Variants in DHX57 observed in about 807,000 individuals in gnomAD.
The protein encoded by DHX57 is putative ATP-dependent RNA helicase DHX57.
DHX57 carries 105 observed loss-of-function variants against 156.2 expected under a neutral mutation model. That is an observed-to-expected ratio of 0.67 (90% CI 0.57 to 0.79). The LOEUF (loss-of-function observed/expected upper bound fraction) is 0.79. Ranked by LOEUF, DHX57 falls within the 30% of genes least tolerant of loss-of-function variation. The probability of loss-of-function intolerance (pLI) is 0.00; values close to 1 mark genes in which losing one functional copy is unlikely to be tolerated. For synonymous variants in DHX57, 704 were observed against 595.6 expected (o/e 1.18, Z -2.65); for missense variants, 1,847 against 1,661.9 (o/e 1.11, Z -1.94).
intron 23 of DHX57, 56 bp from the exon 24 acceptor site, chr2:38,798,498 T>C: frequency 1.3e-6 from 2 of 1,526,944 alleles, no homozygotes; most frequent in Non-Finnish European, 1.8e-6. Context: ...GGATAGGTTA[T>C]TGGAGGGAAA....
intron 21 of DHX57, among the ~76,000 whole-genome samples, chr2:38,813,457 G>A (rs549147645): frequency 2.2e-4 from 33 of 150,970 alleles, no homozygotes; most frequent in African/African-American, 7.0e-4. Context: ...TGCAAGCTCC[G>A]ACTCCCGGGT....
chr2:38,858,912 A>G, intron 5 of DHX57, 76 bp from the exon 6 acceptor site: 1 of 1,425,344 alleles, frequency 7.0e-7, no homozygotes, highest in Non-Finnish European at 9.4e-7. Context: ...TGTCTAACAG[A>G]GTATCAACAA....
rs1366849790 is a variant in DHX57 at position 38,826,166 on chromosome 2, A to G, written c.2814-119T>C. ...TGTAGAGGGACACAGTGCCCTGTATATTCTGGGATAGTTGAGCCCCTGGTA... is the reference window on the plus strand; with the variant it reads ...TGTAGAGGGACACAGTGCCCTGTATGTTCTGGGATAGTTGAGCCCCTGGTA... On this transcript the variant is annotated intron_variant, in intron 15 of 23. Coordinates refer to ENST00000457308, the MANE Select transcript of DHX57 (RefSeq NM_198963.3). The G allele has an allele frequency of 4.6e-6, 5 of 1,082,886 alleles. No individual in the cohort carries two copies. In the East Asian group the frequency reaches 1.0e-4, roughly 23 times the overall value. The allele number at this position is 1,082,886 out of a possible 1,614,324, so 67.1% of individuals were successfully genotyped here. A position where few individuals can be genotyped will look rare whatever the true frequency, so the allele number is the denominator to read the frequency against.
chr2:38,851,590 T>C (rs532301094), intron 9 of DHX57, among the ~76,000 whole-genome samples: 43 of 152,170 alleles, frequency 2.8e-4, no homozygotes, highest in Non-Finnish European at 4.6e-4. Context: ...TGAACATCTT[T>C]TGAATTTTTA....
intron 21 of DHX57, chr2:38,810,762 T>C: frequency 1.2e-6 from 1 of 827,332 alleles, no homozygotes; most frequent in Non-Finnish European, 2.0e-6. Context: ...TTTTGCGCAC[T>C]TCCTGTTCCA....
intron 21 of DHX57, among the ~76,000 whole-genome samples, chr2:38,812,418 G>A (rs988026807): frequency 6.6e-6 from 1 of 152,174 alleles, no homozygotes; most frequent in African/African-American, 2.4e-5. Flanking sequence ...AAACTCTCTG[G>A]GGGAAAATGG....
At chr2:38,870,484 CTT>C (rs888088137) in intron 1 of DHX57, among the ~76,000 whole-genome samples, 2 of 152,188 alleles carry the variant, frequency 1.3e-5, no homozygotes, top group African/African-American at 4.8e-5. Context: ...AGAAAAACAA[CTT>C]ATCACTTACA....
chr2:38,833,496 G>A (rs1032894697), intron 13 of DHX57, among the ~76,000 whole-genome samples: 9 of 152,094 alleles, frequency 5.9e-5, no homozygotes, highest in Non-Finnish European at 1.2e-4. Flanking sequence ...AACAGATAGG[G>A]TGGTCTGTAG....
At chr2:38,842,722 C>A (rs905294007) in intron 12 of DHX57, among the ~76,000 whole-genome samples, 2 of 152,052 alleles carry the variant, frequency 1.3e-5, no homozygotes, top group African/African-American at 4.8e-5. Flanking sequence ...TAAAAAGCTA[C>A]AAAATGCACA....
chr2:38,800,556 C>A (rs1041534913), intron 23 of DHX57, among the ~76,000 whole-genome samples: 4 of 152,124 alleles, frequency 2.6e-5, no homozygotes, highest in East Asian at 1.9e-4. Context: ...ACACTGTGAG[C>A]CCTGCCAGGG....
intron 23 of DHX57, among the ~76,000 whole-genome samples, chr2:38,802,388 A>G (rs1376507995): frequency 1.3e-5 from 2 of 151,918 alleles, no homozygotes; most frequent in African/African-American, 4.8e-5. Flanking sequence ...CCTAGGTTCA[A>G]GCGATTCTCA....
chr2:38,799,679 G>A (rs1366677572), intron 23 of DHX57, among the ~76,000 whole-genome samples: 2 of 149,526 alleles, frequency 1.3e-5, no homozygotes, highest in African/African-American at 4.9e-5. Context: ...GAACCCAGGA[G>A]GCAGAGGTTG....
chr2:38,838,681 G>C, intron 12 of DHX57: 1 of 412,244 alleles, frequency 2.4e-6, no homozygotes, highest in Non-Finnish European at 4.8e-6. Context: ...GGCAATCAAT[G>C]GACAGAGACC....
At chr2:38,829,850 C>T (rs1165197271) in intron 13 of DHX57, among the ~76,000 whole-genome samples, 1 of 152,150 alleles carries the variant, frequency 6.6e-6, no homozygotes, top group Admixed American at 6.5e-5. Context: ...ACTGGCCAAT[C>T]TGGTAATCTA....
At chr2:38,859,989 A>G (rs530331792) in intron 5 of DHX57, among the ~76,000 whole-genome samples, 10 of 151,876 alleles carry the variant, frequency 6.6e-5, no homozygotes, top group Non-Finnish European at 1.3e-4. Context: ...CTAAGAAAAT[A>G]TATATATTTT....
intron 1 of DHX57, among the ~76,000 whole-genome samples, chr2:38,875,398 G>C (rs1245053400): frequency 6.6e-6 from 1 of 152,094 alleles, no homozygotes; most frequent in Non-Finnish European, 1.5e-5. Context: ...TCCAGATCTC[G>C]TATCCTTTTT....
At chr2:38,816,112 C>T (rs763529761) in intron 19 of DHX57, 93 of 471,482 alleles carry the variant, frequency 2.0e-4, no homozygotes, top group Non-Finnish European at 3.5e-4. Context: ...TAGAGTGGTT[C>T]GTGCTCTCAG....
intron 2 of DHX57, among the ~76,000 whole-genome samples, chr2:38,867,548 C>T (rs146802987): frequency 4.2e-4 from 64 of 152,226 alleles, no homozygotes; most frequent in Non-Finnish European, 7.6e-4. Context: ...AGTCATGTTG[C>T]ACTTTAGGCT....
chr2:38,809,146 G>A (rs1207826815), intron 21 of DHX57, among the ~76,000 whole-genome samples: 1 of 152,088 alleles, frequency 6.6e-6, no homozygotes, highest in Non-Finnish European at 1.5e-5. Context: ...TTGAGACAGT[G>A]TCTCACTCTG....
Sources: gnomAD v4.1 joint callset for allele counts (sites outside exome capture counted in the v4.1 genomes callset) on GRCh38, gnomAD v4.1.1 for gene constraint, MANE v1.5 for transcripts, NCBI Gene and HGNC (gene_info 2026-07-23, HGNC 2026-07-21) for gene names.